Variants in NPNT observed in about 807,000 individuals in gnomAD.
NPNT encodes the protein preosteoblast EGF-like repeat protein with MAM domain.
In NPNT, 45 loss-of-function variants were observed where a neutral mutation model predicts 68.6. The observed-to-expected ratio is 0.66, with a 90% CI of 0.52 to 0.84. The LOEUF (loss-of-function observed/expected upper bound fraction) is 0.84, where lower values mean the gene tolerates loss of function less well. NPNT is among the 40% of genes least tolerant of loss of function. NPNT has a pLI of 0.00. For synonymous variants in NPNT, 233 were observed against 253.3 expected (o/e 0.92, Z 0.76); for missense variants, 672 against 714.8 (o/e 0.94, Z 0.68).
intron 2 of NPNT, among the ~76,000 whole-genome samples, chr4:105,917,210 G>T (rs970807758): frequency 1.3e-5 from 2 of 152,186 alleles, no homozygotes; most frequent in Non-Finnish European, 2.9e-5. Flanking sequence ...AGGCCCAGTC[G>T]CAGTGGACGG....
At chr4:105,917,739 G>T (rs555425595) in intron 2 of NPNT, among the ~76,000 whole-genome samples, 2 of 152,128 alleles carry the variant, frequency 1.3e-5, no homozygotes, top group Non-Finnish European at 2.9e-5. Context: ...GCAGACAAGA[G>T]GGGGAATGGC....
At chr4:105,966,686 T>C (rs1238066423) in intron 10 of NPNT, among the ~76,000 whole-genome samples, 1 of 151,482 alleles carries the variant, frequency 6.6e-6, no homozygotes. Flanking sequence ...TTTTTTTAAG[T>C]TGGGGGAGGA....
Position 105,940,171 on chromosome 4 carries a change from T to C in NPNT, c.602T>C (p.Phe201Ser), listed in dbSNP as rs544273947. The change falls in exon 6 of 12, where the codon TTC becomes TCC. Residue 201 changes from phenylalanine (F) to serine (S), a missense_variant. Transcript: ENST00000379987. The part of the protein sequence containing the change: ...GSYICKCHKG[F>S]DLMYIGGKYQ... The stretch of plus-strand genomic sequence containing the variant: ...TACATCTGCAAGTGTCATAAAGGCT[T>C]CGATCTCATGTATATTGGAGGCAAA... 1 of 1,613,490 alleles carries C rather than the reference T, an allele frequency of 6.2e-7. No homozygotes were observed. Among genetic ancestry groups the C allele is most frequent in the Non-Finnish European group, 8.5e-7 (1 of 1,179,496 alleles).
chr4:105,970,643 A>C lies in NPNT; in HGVS notation c.*1653A>C, dbSNP rs1379792397. 1 of 608,516 alleles carries C rather than the reference A, an allele frequency of 1.6e-6. No individual in the cohort carries two copies. Among genetic ancestry groups the C allele is most frequent in the Non-Finnish European group, 3.0e-6 (1 of 330,922 alleles). 37.7% of individuals were successfully genotyped at this position (608,516 alleles called of 1,614,324 possible). On this transcript the variant is annotated 3_prime_UTR_variant, in exon 12 of 12. Coordinates refer to ENST00000379987, the MANE Select transcript of NPNT (RefSeq NM_001033047.3). The stretch of plus-strand genomic sequence containing the variant: ...GGCCATTGTTAGAATACTTCATAAA[A>C]AAAGAAGTGTGAAAATCTCAGTATC...
chr4:105,928,613 CAA>C (rs75354182), intron 3 of NPNT, among the ~76,000 whole-genome samples: 1,284 of 92,470 alleles, frequency 0.014, 15 homozygotes, highest in African/African-American at 0.042. Flanking sequence ...AACTCTGTCT[CAA>C]AAAAAAAAAA....
intron 2 of NPNT, among the ~76,000 whole-genome samples, chr4:105,905,996 T>A (rs1261804370): frequency 6.6e-6 from 1 of 152,202 alleles, no homozygotes; most frequent in Non-Finnish European, 1.5e-5. Context: ...TTATGCCCTA[T>A]CTTGTTTGGG....
chr4:105,947,564 C>T (rs1730483317), intron 8 of NPNT, among the ~76,000 whole-genome samples: 1 of 152,096 alleles, frequency 6.6e-6, no homozygotes, highest in Non-Finnish European at 1.5e-5. Flanking sequence ...ACAGTTTATG[C>T]ATTTTTAATA....
chr4:105,932,356 TTGTA>T (rs1414737014), intron 3 of NPNT, among the ~76,000 whole-genome samples: 1 of 152,172 alleles, frequency 6.6e-6, no homozygotes, highest in Non-Finnish European at 1.5e-5. Flanking sequence ...TTTTAAAAAA[TTGTA>T]TGACGATGGA....
chr4:105,936,051 C>T (rs1729466995), intron 3 of NPNT, among the ~76,000 whole-genome samples: 1 of 152,132 alleles, frequency 6.6e-6, no homozygotes, highest in Admixed American at 6.5e-5. Context: ...ATATTTTGGG[C>T]ATTACTATTT....
chr4:105,920,404 A>AAAAAAAAAAAAAAAAAAAC (rs1188627899), intron 2 of NPNT, among the ~76,000 whole-genome samples: 1 of 151,114 alleles, frequency 6.6e-6, no homozygotes, highest in Non-Finnish European at 1.5e-5. Flanking sequence ...CTAAAAAAAA[A>AAAAAAAAAAAAAAAAAAAC]AAAAAAAAAA....
rs755160066 is a variant in NPNT, at chr4:105,942,499, C to A, written c.956C>A (p.Thr319Lys). ...ACTTCTAAGCCAACAACAAGACCTA[C>A]ACCAAAGCCAACACCAATTCCTACT... ...RPTSKPTTRPTPKPTPIPTPP... is the reference protein window; with the variant it reads ...RPTSKPTTRPKPKPTPIPTPP... Residue 319 changes from threonine (T) to lysine (K), a missense_variant, in exon 8 of 12, where the codon ACA becomes AAA. By Grantham distance (78) the Thr-to-Lys change is moderately conservative. Transcript: ENST00000379987. 6.2e-7 allele frequency: 1 copy of A among 1,613,912 alleles called. No homozygotes were observed. Among genetic ancestry groups the A allele is most frequent in the Non-Finnish European group, 8.5e-7 (1 of 1,179,948 alleles).
rs1224869042 is a variant in NPNT, at chr4:105,959,026, A to T, written c.1247-2A>T. The T allele has an allele frequency of 1.9e-6, 3 of 1,584,442 alleles. No homozygotes were observed. Among genetic ancestry groups the T allele is most frequent in the Non-Finnish European group, 8.7e-7 (1 of 1,153,196 alleles). On this transcript the variant is annotated splice_acceptor_variant, in intron 9 of 11. Coordinates refer to ENST00000379987, the MANE Select transcript of NPNT (RefSeq NM_001033047.3). LOFTEE classifies it high-confidence loss of function. ...CTCATCTTTCTGATTATTTCCTTGT[A>T]GGTGTTCTGGTACACAGTTGTAATT...
intron 2 of NPNT, among the ~76,000 whole-genome samples, chr4:105,906,176 G>A (rs143729430): frequency 1.6e-3 from 239 of 152,294 alleles, no homozygotes; most frequent in African/African-American, 5.4e-3. Context: ...CTAGCTTCTG[G>A]TAGCCAAAGG....
At chr4:105,917,559 GAT>G (rs1469385682) in intron 2 of NPNT, among the ~76,000 whole-genome samples, 2 of 152,164 alleles carry the variant, frequency 1.3e-5, no homozygotes, top group South Asian at 2.1e-4. Flanking sequence ...TATGGTATAA[GAT>G]ATATATATTT....
At chr4:105,938,062 C>T (rs1729632256) in intron 4 of NPNT, among the ~76,000 whole-genome samples, 1 of 152,050 alleles carries the variant, frequency 6.6e-6, no homozygotes. Context: ...CTCAATTCTT[C>T]ACTTTCCTTG....
chr4:105,935,245 T>G (rs1469244243), intron 3 of NPNT, among the ~76,000 whole-genome samples: 1 of 152,256 alleles, frequency 6.6e-6, no homozygotes, highest in Non-Finnish European at 1.5e-5. Context: ...GTTCTGTTTT[T>G]GTTTAGTGCA....
chr4:105,925,695 G>T (rs963625718), intron 2 of NPNT, among the ~76,000 whole-genome samples: 1 of 152,084 alleles, frequency 6.6e-6, no homozygotes, highest in Non-Finnish European at 1.5e-5. Flanking sequence ...AGGACTGTCT[G>T]CTCTTCACTC....
At chr4:105,954,084 A>G (rs548797396) in intron 8 of NPNT, among the ~76,000 whole-genome samples, 42 of 152,334 alleles carry the variant, frequency 2.8e-4, no homozygotes, top group South Asian at 6.2e-4. Flanking sequence ...ATATGATCAC[A>G]TCCCTGGGGA....
At chr4:105,938,023 C>T (rs1331945909) in intron 4 of NPNT, among the ~76,000 whole-genome samples, 3 of 152,114 alleles carry the variant, frequency 2.0e-5, no homozygotes, top group Admixed American at 6.6e-5. Context: ...TTAAGAATAG[C>T]GTTTAGCTTG....
Sources: gnomAD v4.1 joint callset for allele counts (sites outside exome capture counted in the v4.1 genomes callset) on GRCh38, gnomAD v4.1.1 for gene constraint, MANE v1.5 for transcripts, NCBI Gene and HGNC (gene_info 2026-07-23, HGNC 2026-07-21) for gene names.